UBL5: variants seen among roughly 807,000 people sequenced by gnomAD.
UBL5 encodes ubiquitin-like protein 5.
UBL5 carries 13 observed loss-of-function variants against 11.7 expected under a neutral mutation model. The ratio of observed to expected loss-of-function variants is 1.11; its 90% CI spans 0.73 to 1.77. UBL5 has a LOEUF of 1.77. Ranked by LOEUF, UBL5 falls within the 40% of genes most tolerant of loss-of-function variation. The pLI is 0.00. For synonymous variants in UBL5, 28 were observed against 34.7 expected, an observed-to-expected ratio of 0.81 and a Z score of 0.68; for missense variants, 58 against 92.3, an observed-to-expected ratio of 0.63 and a Z score of 1.52.
chr19:9,830,059 C>G lies in UBL5; in HGVS notation c.*51C>G. On this transcript the variant is annotated 3_prime_UTR_variant, in exon 5 of 5. Coordinates refer to ENST00000586895, the MANE Select transcript of UBL5 (RefSeq NM_001048241.3). ...GCTTTCCTCTCCCATCCTCATCCCC[C>G]ACACTGGGATAGATGCTTGTTTGTA... 6.2e-7 allele frequency: 1 copy of G among 1,604,852 alleles called. No individual in the cohort carries two copies.
rs1168339882 is a variant in UBL5, at chr19:9,827,990, G to T, written c.-12+6G>T. The T allele has an allele frequency of 5.0e-6, 2 of 397,164 alleles. No individual in the cohort carries two copies. 24.6% of individuals were successfully genotyped at this position (397,164 alleles called of 1,614,324 possible). A position where few individuals can be genotyped will look rare whatever the true frequency, so the allele number is the denominator to read the frequency against. On this transcript the variant is annotated splice_donor_region_variant and intron_variant, in intron 1 of 4. Transcript: ENST00000586895. ...CAGGTTCGAGGCGATTCGAGGTGAG[G>T]GGGTCAAGCGGAGAGGCTCGGAGTC...
chr19:9,829,134 C>T, intron 4 of UBL5: 1 of 545,350 alleles, frequency 1.8e-6, no homozygotes, highest in South Asian at 2.5e-5. Context: ...TGGGGTGAGA[C>T]TCAGGCATAT....
intron 1 of UBL5, 71 bp from the exon 2 acceptor site, chr19:9,828,256 G>C (rs1238864326): frequency 2.1e-6 from 3 of 1,439,010 alleles, no homozygotes; most frequent in Non-Finnish European, 9.8e-7. Context: ...TTGTAGGCTG[G>C]GGCTTCTGGG....
chr19:9,829,748 C>T (rs1368839111), intron 4 of UBL5: 2 of 532,152 alleles, frequency 3.8e-6, no homozygotes, highest in East Asian at 3.1e-5. Flanking sequence ...CCACCTGCTT[C>T]GTCCTCTCAA....
In UBL5 at chr19:9,829,744, G is replaced by A; in HGVS notation, c.179-221G>A. The A allele has an allele frequency of 5.7e-6, 3 of 527,320 alleles. No homozygotes were observed. The South Asian group carries it at 7.2e-5, about 13-fold the overall frequency. The allele number at this position is 527,320 out of a possible 1,614,324, so 32.7% of individuals were successfully genotyped here. A position where few individuals can be genotyped will look rare whatever the true frequency, so the allele number is the denominator to read the frequency against. On this transcript the variant is annotated intron_variant, in intron 4 of 4. Coordinates refer to ENST00000586895, the MANE Select transcript of UBL5 (RefSeq NM_001048241.3). ...ACTCCTGACGTCAAGTGAGCCACCT[G>A]CTTCGTCCTCTCAAAGTGCTGGGAT...
chr19:9,828,070 G>T, intron 1 of UBL5, 86 bp downstream of exon 1: 1 of 576,610 alleles, frequency 1.7e-6, no homozygotes, highest in South Asian at 2.0e-5. Flanking sequence ...GGGAGGTGAG[G>T]CCAGGGAGTT....
chr19:9,829,206 G>A (rs1334140047), intron 4 of UBL5: 1 of 270,330 alleles, frequency 3.7e-6, no homozygotes, highest in Non-Finnish European at 7.1e-6. Context: ...ATTTTTTTGA[G>A]ACAGTCTGGC....
intron 1 of UBL5, 39 bp from the exon 2 acceptor site, chr19:9,828,288 T>C: frequency 6.2e-7 from 1 of 1,601,964 alleles, no homozygotes; most frequent in Non-Finnish European, 8.6e-7. Context: ...CCTGAAGCTC[T>C]GACTTTGCTG....
chr19:9,829,965 A>G lies in UBL5; in HGVS notation c.179A>G (p.Tyr60Cys). Residue 60 changes from tyrosine to cysteine, a missense_variant and splice_region_variant, in exon 5 of 5, where the codon TAT becomes TGT. Physicochemically the swap from Tyr to Cys is radical, Grantham distance 194. Coordinates refer to ENST00000586895, the MANE Select transcript of UBL5 (RefSeq NM_001048241.3). ...IFKDHVSLGD[Y>C]EIHDGMNLEL... The stretch of plus-strand genomic sequence containing the variant: ...GGATTCCTTAACACCTTTCCTTCAG[A>G]TGAAATCCACGATGGGATGAACCTG... The G allele has an allele frequency of 6.2e-7, 1 of 1,614,076 alleles. No individual in the cohort carries two copies. The highest frequency in any genetic ancestry group is 8.5e-7 in the Non-Finnish European group (1 of 1,179,990).
chr19:9,828,394 G>A lies in UBL5; in HGVS notation c.56+1G>A. 2 of 1,612,578 alleles carry A rather than the reference G, an allele frequency of 1.2e-6. No individual in the cohort carries two copies. The highest frequency in any genetic ancestry group is 1.7e-6 in the Non-Finnish European group (2 of 1,179,206). ...GGAAGAAGGTCCGCGTTAAATGCAAGTATCCACTGGCAGCCGAGAGGCAGT... is the reference window on the plus strand; with the variant it reads ...GGAAGAAGGTCCGCGTTAAATGCAAATATCCACTGGCAGCCGAGAGGCAGT... On this transcript the variant is annotated splice_donor_variant, in intron 2 of 4. Coordinates refer to ENST00000586895, the MANE Select transcript of UBL5 (RefSeq NM_001048241.3). LOFTEE classifies it high-confidence loss of function.
At chr19:9,828,937 A>C in intron 4 of UBL5, 63 bp downstream of exon 4, 1 of 1,528,986 alleles carries the variant, frequency 6.5e-7, no homozygotes, top group South Asian at 1.1e-5. Flanking sequence ...TCTGTTCAAA[A>C]CTAAAGTCTG....
Position 9,827,925 on chromosome 19 carries a change from A to T in UBL5, c.-71A>T, listed in dbSNP as rs1013865510. Reference sequence around the variant, plus strand: ...CTTCCGGTTCCTAGCGTTAACTGCGACCGGGGTTCAGCGCTCGGGTGAGGA... The same window carrying T: ...CTTCCGGTTCCTAGCGTTAACTGCGTCCGGGGTTCAGCGCTCGGGTGAGGA... On this transcript the variant is annotated 5_prime_UTR_variant, in exon 1 of 5. Coordinates refer to ENST00000586895, the MANE Select transcript of UBL5 (RefSeq NM_001048241.3). 4 of 262,462 alleles carry T rather than the reference A, an allele frequency of 1.5e-5. No homozygotes were observed. Among genetic ancestry groups the T allele is most frequent in the Non-Finnish European group, 3.0e-5 (4 of 133,240 alleles). The allele number at this position is 262,462 out of a possible 1,614,324, so 16.3% of individuals were successfully genotyped here.
intron 1 of UBL5, 74 bp from the exon 2 acceptor site, chr19:9,828,253 C>G (rs1468240002): frequency 1.4e-6 from 2 of 1,415,442 alleles, no homozygotes; most frequent in Non-Finnish European, 2.0e-6. Context: ...GACTTGTAGG[C>G]TGGGGCTTCT....
intron 1 of UBL5, 68 bp from the exon 2 acceptor site, chr19:9,828,259 C>A: frequency 6.8e-7 from 1 of 1,467,004 alleles, no homozygotes; most frequent in Non-Finnish European, 9.6e-7. Flanking sequence ...TAGGCTGGGG[C>A]TTCTGGGCCT....
Position 9,829,968 on chromosome 19 carries a change from A to G in UBL5, c.182A>G (p.Glu61Gly). The change falls in exon 5 of 5, where the codon GAA becomes GGA. Residue 61 changes from glutamate (E) to glycine (G), a missense_variant. Coordinates refer to ENST00000586895, the MANE Select transcript of UBL5 (RefSeq NM_001048241.3). ...FKDHVSLGDY[E>G]IHDGMNLELY... ...TTCCTTAACACCTTTCCTTCAGATG[A>G]AATCCACGATGGGATGAACCTGGAG... The G allele has an allele frequency of 6.2e-7, 1 of 1,614,152 alleles. No homozygotes were observed. Among genetic ancestry groups the G allele is most frequent in the Non-Finnish European group, 8.5e-7 (1 of 1,180,014 alleles).
intron 1 of UBL5, 139 bp downstream of exon 1, chr19:9,828,123 G>T: frequency 1.7e-6 from 1 of 601,940 alleles, no homozygotes; most frequent in South Asian, 2.0e-5. Context: ...CGGAGGCGCG[G>T]CTCCCCGGGG....
Position 9,828,871 on chromosome 19 carries a change from G to A in UBL5, c.175G>A (p.Asp59Asn), listed in dbSNP as rs1371339372. ...TIFKDHVSLGDYEIHDGMNLE... is the reference protein window; with the variant it reads ...TIFKDHVSLGNYEIHDGMNLE... ...TTTTAAGGACCACGTGTCTCTGGGG[G>A]ACTGTATCCTTTGTGTGACTTTTTG... The change falls in exon 4 of 5, where the codon GAC (aspartate) becomes AAC (asparagine). Residue 59 changes from aspartate (D) to asparagine (N), a missense_variant. Physicochemically the swap from Asp to Asn is conservative, Grantham distance 23. Coordinates refer to ENST00000586895, the MANE Select transcript of UBL5 (RefSeq NM_001048241.3). The A allele has an allele frequency of 1.2e-6, 2 of 1,614,186 alleles. No individual in the cohort carries two copies. The highest frequency in any genetic ancestry group is 8.5e-7 in the Non-Finnish European group (1 of 1,180,018).
chr19:9,828,931 T>C, intron 4 of UBL5, 57 bp downstream of exon 4: 1 of 1,557,556 alleles, frequency 6.4e-7, no homozygotes, highest in Non-Finnish European at 8.9e-7. Context: ...CGGTTATCTG[T>C]TCAAAACTAA....
intron 4 of UBL5, 177 bp downstream of exon 4, chr19:9,829,051 G>A (rs1258838149): frequency 1.5e-6 from 1 of 651,568 alleles, no homozygotes; most frequent in Non-Finnish European, 2.7e-6. Context: ...AGAGTGGTTG[G>A]TGAAATAGTT....
Sources: allele counts gnomAD v4.1 joint callset, GRCh38; gene constraint gnomAD v4.1.1; transcripts MANE v1.5; gene names NCBI Gene and HGNC (gene_info 2026-07-23, HGNC 2026-07-21).